The following GIGYF2 variants were observed in gnomAD, a reference collection of about 807,000 sequenced individuals.
The protein encoded by GIGYF2 is GRB10 interacting GYF protein 2.
In GIGYF2, 25 loss-of-function variants were observed where a neutral mutation model predicts 208.1. The ratio of observed to expected loss-of-function variants is 0.12; its 90% confidence interval spans 0.09 to 0.17. The LOEUF (loss-of-function observed/expected upper bound fraction) is 0.17, where lower values mean the gene tolerates loss of function less well. Among genes scored for constraint, GIGYF2 ranks in the 10% least tolerant of loss-of-function variants. The probability of loss-of-function intolerance (pLI) is 1.00; values close to 1 mark genes in which losing one functional copy is unlikely to be tolerated. For synonymous variants in GIGYF2, 534 were observed against 543.8 expected (o/e 0.98, Z 0.25); for missense variants, 1,302 against 1,579.4 (o/e 0.82, Z 2.98).
chr2:232,759,436 A>C (rs1270178077), intron 6 of GIGYF2, among the ~76,000 whole-genome samples: 1 of 152,070 alleles, frequency 6.6e-6, no homozygotes, highest in Non-Finnish European at 1.5e-5. Context: ...TAAAGTATGA[A>C]GCTAAAAGTG....
At chr2:232,728,303 T>G (rs971061205) in intron 2 of GIGYF2, among the ~76,000 whole-genome samples, 1 of 152,156 alleles carries the variant, frequency 6.6e-6, no homozygotes, top group Non-Finnish European at 1.5e-5. Context: ...GATTGGACTT[T>G]TTTAGAGGAG....
At chr2:232,747,491 T>C (rs2106311755) in intron 3 of GIGYF2, 124 bp from the exon 4 acceptor site, 1 of 1,031,424 alleles carries the variant, frequency 9.7e-7, no homozygotes, top group African/African-American at 1.6e-5. Flanking sequence ...GTCTGATACT[T>C]TGAGATAGTA....
At chr2:232,698,979 A>G (rs776372805) in intron 1 of GIGYF2, among the ~76,000 whole-genome samples, 1 of 152,236 alleles carries the variant, frequency 6.6e-6, no homozygotes, top group Non-Finnish European at 1.5e-5. Flanking sequence ...TACTGGGAGC[A>G]AAACAGACCA....
intron 8 of GIGYF2, chr2:232,771,103 A>G: frequency 6.2e-7 from 1 of 1,614,062 alleles, no homozygotes; most frequent in Non-Finnish European, 8.5e-7. Context: ...ATCATGATCT[A>G]GTTCCAGATC....
chr2:232,727,690 T>G (rs1697267462), intron 2 of GIGYF2, among the ~76,000 whole-genome samples: 1 of 152,228 alleles, frequency 6.6e-6, no homozygotes, highest in Admixed American at 6.5e-5. Flanking sequence ...TGTATCAGCC[T>G]GTACAGTGAT....
chr2:232,794,974 C>G, intron 13 of GIGYF2, 30 bp downstream of exon 13: 2 of 1,492,308 alleles, frequency 1.3e-6, no homozygotes, highest in South Asian at 1.1e-5. Context: ...TTTTTGTCTC[C>G]TCTTAAACTG....
At chr2:232,708,630 T>C (rs1463868235) in intron 2 of GIGYF2, among the ~76,000 whole-genome samples, 1 of 147,988 alleles carries the variant, frequency 6.8e-6, no homozygotes, top group African/African-American at 2.5e-5. Context: ...AGTCCAGGAG[T>C]TGGAGACCAG....
At chr2:232,785,401 G>A (rs1699878564) in intron 8 of GIGYF2, among the ~76,000 whole-genome samples, 1 of 152,172 alleles carries the variant, frequency 6.6e-6, no homozygotes, top group Non-Finnish European at 1.5e-5. Flanking sequence ...ACTGGGGTTT[G>A]ATCCACTTCC....
At chr2:232,714,116 A>AT (rs1310402954) in intron 2 of GIGYF2, among the ~76,000 whole-genome samples, 2 of 151,664 alleles carry the variant, frequency 1.3e-5, no homozygotes, top group Admixed American at 6.6e-5. Context: ...TGCATGGCTA[A>AT]TTTTTTTGTA....
At chr2:232,730,670 G>A (rs1697436040) in intron 2 of GIGYF2, among the ~76,000 whole-genome samples, 4 of 147,858 alleles carry the variant, frequency 2.7e-5, no homozygotes, top group Admixed American at 6.7e-5. Context: ...AGGCCGAGGC[G>A]GGCGGATCAC....
intron 4 of GIGYF2, among the ~76,000 whole-genome samples, chr2:232,748,449 A>G (rs1698228734): frequency 6.6e-6 from 1 of 151,934 alleles, no homozygotes; most frequent in Non-Finnish European, 1.5e-5. Flanking sequence ...CGCTTGGCTA[A>G]TTTTTTTGTA....
chr2:232,748,653 A>G (rs895784885), intron 4 of GIGYF2, among the ~76,000 whole-genome samples: 1 of 152,216 alleles, frequency 6.6e-6, no homozygotes, highest in Non-Finnish European at 1.5e-5. Flanking sequence ...GGACACATAC[A>G]GTTGCTTATA....
At chr2:232,830,447 G>T (rs888826977) in intron 21 of GIGYF2, among the ~76,000 whole-genome samples, 1 of 151,658 alleles carries the variant, frequency 6.6e-6, no homozygotes, top group Admixed American at 6.6e-5. Flanking sequence ...TTTTTTTATT[G>T]GTAGACTTTA....
Position 232,847,563 on chromosome 2 carries a change from C to G in GIGYF2, c.3676C>G (p.Gln1226Glu), listed in dbSNP as rs1416254825. ...QPPQQPPQQP[Q>E]QQDSVWGMNH... ...GCCACAGCAGCCGCCACAGCAGCCA[C>G]AACAGCAGGTATAAAGTAGTGTGGT... is the stretch of plus-strand genomic sequence containing the variant. The change falls in exon 27 of 29, where the codon CAA becomes GAA. Residue 1226 changes from glutamine (Q) to glutamate (E), a missense_variant. By Grantham distance (29) the Gln-to-Glu change is conservative. Around this residue, in one of 8 missense-constraint regions of GIGYF2, gnomAD observed 701 missense variants for 793.0 expected, o/e 0.88. Coordinates refer to ENST00000373563, the MANE Select transcript of GIGYF2 (RefSeq NM_001103146.3). 1 of 1,579,644 alleles carries G rather than the reference C, an allele frequency of 6.3e-7. No individual in the cohort carries two copies. Among genetic ancestry groups the G allele is most frequent in the Non-Finnish European group, 8.7e-7 (1 of 1,151,800 alleles).
chr2:232,830,949 T>G (rs1341956717), intron 21 of GIGYF2, among the ~76,000 whole-genome samples: 1 of 152,244 alleles, frequency 6.6e-6, no homozygotes, highest in Non-Finnish European at 1.5e-5. Flanking sequence ...TTGACAGTTT[T>G]AAGAAATATT....
chr2:232,813,636 A>G (rs542889200), intron 18 of GIGYF2, among the ~76,000 whole-genome samples: 2 of 152,178 alleles, frequency 1.3e-5, no homozygotes, highest in Non-Finnish European at 2.9e-5. Flanking sequence ...GAGTTTTTCT[A>G]GAGCTGTTGA....
chr2:232,791,080 T>C lies in GIGYF2; in HGVS notation c.1003T>C (p.Ser335Pro). The C allele has an allele frequency of 6.2e-7, 1 of 1,613,980 alleles. No individual in the cohort carries two copies. The highest frequency in any genetic ancestry group is 8.5e-7 in the Non-Finnish European group (1 of 1,179,912). ...GCCTGTGGACGAAGGGGAGGAGTGC[T>C]CTGACTCTGAGGGTAGCCATAATGA... ...FRPVDEGEEC[S>P]DSEGSHNEEA... Residue 335 changes from serine (S) to proline (P), a missense_variant, in exon 11 of 29, where the codon TCT (serine) becomes CCT (proline). Physicochemically the swap from Ser to Pro is moderately conservative, Grantham distance 74. Transcript: ENST00000373563.
intron 21 of GIGYF2, among the ~76,000 whole-genome samples, chr2:232,822,566 A>G (rs1399768709): frequency 2.6e-5 from 4 of 152,222 alleles, no homozygotes; most frequent in Non-Finnish European, 4.4e-5. Context: ...CTGTAATCCC[A>G]GTTACTTGGG....
chr2:232,857,131 G>A lies in GIGYF2; in HGVS notation c.*271G>A. Reference sequence around the variant, plus strand: ...TCCCCAACAAGGCTGATTTTAGGCAGCATGTGTTCACTGTGCTGTGATTTC... The same window carrying A: ...TCCCCAACAAGGCTGATTTTAGGCAACATGTGTTCACTGTGCTGTGATTTC... On this transcript the variant is annotated 3_prime_UTR_variant, in exon 29 of 29. Coordinates refer to ENST00000373563, the MANE Select transcript of GIGYF2 (RefSeq NM_001103146.3). 1 of 535,094 alleles carries A rather than the reference G, an allele frequency of 1.9e-6. No individual in the cohort carries two copies. Among genetic ancestry groups the A allele is most frequent in the Non-Finnish European group, 3.4e-6 (1 of 296,328 alleles). The allele number at this position is 535,094 out of a possible 1,614,324, so 33.1% of individuals were successfully genotyped here. A position where few individuals can be genotyped will look rare whatever the true frequency, so the allele number is the denominator to read the frequency against.
Sources: allele counts gnomAD v4.1 joint callset (sites outside exome capture counted in the v4.1 genomes callset), GRCh38; gene constraint gnomAD v4.1.1; regional missense constraint gnomAD v4.1.1; transcripts MANE v1.5; gene names NCBI Gene and HGNC (gene_info 2026-07-23, HGNC 2026-07-21).